ZNF34: variants seen among roughly 807,000 people sequenced by gnomAD.
ZNF34 encodes the protein zinc finger protein 34 (KOX 32).
In ZNF34, 8 loss-of-function variants were observed where a neutral mutation model predicts 14.4. The observed-to-expected ratio is 0.55, with a 90% CI of 0.33 to 1.00. ZNF34 has a LOEUF of 1.00. Among genes scored for constraint, ZNF34 ranks in the 50% least tolerant of loss-of-function variants. The pLI, the probability that ZNF34 is intolerant of heterozygous loss-of-function variation, is 0.03. For missense variants in ZNF34, 538 were observed against 674.2 expected, an observed-to-expected ratio of 0.80 and a Z score of 2.24; for synonymous variants, 235 against 247.9, an observed-to-expected ratio of 0.95 and a Z score of 0.49.
Position 144,772,333 on chromosome 8 carries a change from A to G in ZNF34, c.*933T>C, listed in dbSNP as rs1278697779. Among the ~76,000 whole-genome samples, 1 of 152,214 alleles carries G rather than the reference A, an allele frequency of 6.6e-6. No individual in the cohort carries two copies. Among genetic ancestry groups the G allele is most frequent in the East Asian group, 1.9e-4 (1 of 5,208 alleles). On this transcript the variant is annotated 3_prime_UTR_variant, in exon 6 of 6. Coordinates refer to ENST00000429371, the MANE Select transcript of ZNF34 (RefSeq NM_001286769.2). ...GAGAAGGGGGAAATGAAGAGTTATT[A>G]TTTAATAGGTACAGGGTTTCTGTTT...
At chr8:144,780,189 C>G (rs762876534) in intron 2 of ZNF34, 39 bp downstream of exon 2, 1 of 1,500,336 alleles carries the variant, frequency 6.7e-7, no homozygotes. Context: ...AAAGCAAAAC[C>G]CTGTCTCAAA....
At position 144,773,289 on chromosome 8, in the gene ZNF34, G is replaced by A; in HGVS notation, c.1597C>T (p.Leu533Phe). ...SNMCQHQRIH[L>F]REDFSM ...TGTTACATGGAGAAGTCCTCCCGGA[G>A]GTGAATCCGCTGATGCTGACACATG... Residue 533 changes from leucine (L) to phenylalanine (F), a missense_variant, in exon 6 of 6, where the codon CTC becomes TTC. This residue lies in a region of ZNF34 where 101 missense variants were observed against 123.1 expected (regional missense o/e 0.82). Coordinates refer to ENST00000429371, the MANE Select transcript of ZNF34 (RefSeq NM_001286769.2). This position sits in a 1 kb window ranked among gnomAD's most constrained non-coding sequence, Gnocchi z 5.4. 6.2e-7 allele frequency: 1 copy of A among 1,610,544 alleles called. No individual in the cohort carries two copies. The highest frequency in any genetic ancestry group is 8.5e-7 in the Non-Finnish European group (1 of 1,177,174).
Position 144,773,160 on chromosome 8 carries a change from C to G in ZNF34, c.*106G>C, listed in dbSNP as rs1461221674. ...TTGTTTAATGAGAAACGTCCTTTCACTCTGTGAAAACATCGTGTGGATAAT... is the reference window on the plus strand; with the variant it reads ...TTGTTTAATGAGAAACGTCCTTTCAGTCTGTGAAAACATCGTGTGGATAAT... On this transcript the variant is annotated 3_prime_UTR_variant, in exon 6 of 6. Transcript: ENST00000429371. The surrounding 1 kb of genome is among the most constrained non-coding windows in gnomAD (Gnocchi z 5.4). 1 of 1,237,248 alleles carries G rather than the reference C, an allele frequency of 8.1e-7. No homozygotes were observed. The highest frequency in any genetic ancestry group is 1.1e-6 in the Non-Finnish European group (1 of 922,006). The allele number at this position is 1,237,248 out of a possible 1,614,324, so 76.6% of individuals were successfully genotyped here. A position where few individuals can be genotyped will look rare whatever the true frequency, so the allele number is the denominator to read the frequency against.
At chr8:144,778,664 G>A (rs1015697261) in intron 2 of ZNF34, 139 bp from the exon 3 acceptor site, 12 of 534,712 alleles carry the variant, frequency 2.2e-5, no homozygotes, top group African/African-American at 1.6e-4. Context: ...ACTGCTAGCT[G>A]GCCTCCCGGA....
At position 144,773,568 on chromosome 8, in the gene ZNF34, G is replaced by A. The variant is rs1324494549; in HGVS notation, c.1318C>T (p.His440Tyr). 1 of 1,613,230 alleles carries A rather than the reference G, an allele frequency of 6.2e-7. No individual in the cohort carries two copies. Among genetic ancestry groups the A allele is most frequent in the African/African-American group, 1.3e-5 (1 of 74,688 alleles). ...TGGATTCTCTGGTGCTGGATGAGGTGTGTGCTTTGGCTGAAAACTTTGCCA... is the reference window on the plus strand; with the variant it reads ...TGGATTCTCTGGTGCTGGATGAGGTATGTGCTTTGGCTGAAAACTTTGCCA... ...DCGKVFSQSTHLIQHQRIHTG... is the reference protein window; with the variant it reads ...DCGKVFSQSTYLIQHQRIHTG... Residue 440 changes from histidine (H) to tyrosine (Y), a missense_variant, in exon 6 of 6, where the codon CAC (histidine) becomes TAC (tyrosine). Physicochemically the swap from His to Tyr is moderately conservative, Grantham distance 83. Coordinates refer to ENST00000429371, the MANE Select transcript of ZNF34 (RefSeq NM_001286769.2). The surrounding 1 kb of genome is among the most constrained non-coding windows in gnomAD (Gnocchi z 5.4).
At position 144,779,771 on chromosome 8, in the gene ZNF34, G is replaced by A. The variant is rs112906027; in HGVS notation, c.-55+457C>T. Among the ~76,000 whole-genome samples, 1,915 of 152,184 alleles carry A rather than the reference G, an allele frequency of 0.013. 29 individuals are homozygous for A. The highest frequency in any genetic ancestry group is 0.044 in the African/African-American group (1,811 of 41,508). ...CTCTACTGCCTGCTGCCCTCGGGCCGTCTATCCCCCTCCCTGCTCTGGCAT... is the reference window on the plus strand; with the variant it reads ...CTCTACTGCCTGCTGCCCTCGGGCCATCTATCCCCCTCCCTGCTCTGGCAT... On this transcript the variant is annotated intron_variant, in intron 2 of 5. Transcript: ENST00000429371. The surrounding 1 kb of genome is among the most constrained non-coding windows in gnomAD (Gnocchi z 4.1).
In ZNF34 at chr8:144,779,703, C is replaced by G. The variant is rs769180185; in HGVS notation, c.-55+525G>C. Among the ~76,000 whole-genome samples the G allele has an allele frequency of 1.1e-4, 16 of 152,074 alleles. No homozygotes were observed. Among genetic ancestry groups the G allele is most frequent in the Non-Finnish European group, 1.9e-4 (13 of 68,032 alleles). On this transcript the variant is annotated intron_variant, in intron 2 of 5. Transcript: ENST00000429371. The surrounding 1 kb of genome is among the most constrained non-coding windows in gnomAD (Gnocchi z 4.1). Reference sequence around the variant, plus strand: ...CCTCTTGCCTCGGCCTCCCAAAGTGCTGGGATTAAAGGAGTGCACCAAAGT... The same window carrying G: ...CCTCTTGCCTCGGCCTCCCAAAGTGGTGGGATTAAAGGAGTGCACCAAAGT...
rs1372477343 is a variant in ZNF34 at position 144,777,860 on chromosome 8, G to T, written c.160+178C>A. On this transcript the variant is annotated intron_variant, in intron 4 of 5. Coordinates refer to ENST00000429371, the MANE Select transcript of ZNF34 (RefSeq NM_001286769.2). The surrounding 1 kb of genome is among the most constrained non-coding windows in gnomAD (Gnocchi z 4.8). ...GGACCTGGGGCGAGAGGGAAGGGAA[G>T]GGCTGACTCAGGAAGGTCCCAGCAC... 6.6e-6 allele frequency among the ~76,000 whole-genome samples: 1 copy of T among 152,128 alleles called. No homozygotes were observed. Among genetic ancestry groups the T allele is most frequent in the Non-Finnish European group, 1.5e-5 (1 of 67,992 alleles).
Position 144,777,406 on chromosome 8 carries a change from C to T in ZNF34, c.280+52G>A, listed in dbSNP as rs772728786. 4.8e-5 allele frequency: 74 copies of T among 1,542,482 alleles called. No homozygotes were observed. The highest frequency in any genetic ancestry group is 6.1e-5 in the Non-Finnish European group (70 of 1,141,712). On this transcript the variant is annotated intron_variant, in intron 5 of 5. Transcript: ENST00000429371. This position sits in a 1 kb window ranked among gnomAD's most constrained non-coding sequence, Gnocchi z 4.8. The stretch of plus-strand genomic sequence containing the variant: ...TTCATTAATCAGACACCCTGGACCC[C>T]AATAAAGGCTCGTTCGGTGACTTGA...
chr8:144,784,134 T>C (rs1826076476), intron 1 of ZNF34, among the ~76,000 whole-genome samples: 1 of 146,826 alleles, frequency 6.8e-6, no homozygotes, highest in African/African-American at 2.6e-5. Flanking sequence ...CACTCCATCG[T>C]GGGTGACAGA....
chr8:144,778,144 G>A lies in ZNF34; in HGVS notation c.54C>T (p.Asp18=), dbSNP rs371444149. The A allele has an allele frequency of 1.1e-5, 18 of 1,613,364 alleles. No individual in the cohort carries two copies. The highest frequency in any genetic ancestry group is 2.2e-5 in the South Asian group (2 of 91,030). Reference sequence around the variant, plus strand: ...CCTCCCGGGAGAGGTACACAGCCACGTCCTCGAAGGTCACCTCGGCCTGGA... The same window carrying A: ...CCTCCCGGGAGAGGTACACAGCCACATCCTCGAAGGTCACCTCGGCCTGGA... ...APPQAEVTFE[D]VAVYLSREEW... is the part of the protein sequence containing the mutation. Residue 18 remains aspartate (D), a synonymous_variant, in exon 4 of 6, where the codon GAC becomes GAT. Coordinates refer to ENST00000429371, the MANE Select transcript of ZNF34 (RefSeq NM_001286769.2).
intron 1 of ZNF34, among the ~76,000 whole-genome samples, chr8:144,780,743 C>T (rs985750032): frequency 1.3e-5 from 2 of 151,764 alleles, no homozygotes; most frequent in Admixed American, 6.6e-5. Context: ...GAGCCGAGAT[C>T]GCGCCATCGC....
At position 144,778,535 on chromosome 8, in the gene ZNF34, G is replaced by T; in HGVS notation, c.-54-10C>A. The T allele has an allele frequency of 6.4e-7, 1 of 1,554,790 alleles. No homozygotes were observed. Among genetic ancestry groups the T allele is most frequent in the South Asian group, 1.2e-5 (1 of 82,824 alleles). On this transcript the variant is annotated splice_polypyrimidine_tract_variant and intron_variant, in intron 2 of 5. Transcript: ENST00000429371. ...GCTGGTCACTGAGGAGCTGAGGGAA[G>T]AGAACGCAACAAGTGGAGGCCCAGT...
rs1228538591 is a variant in ZNF34, at chr8:144,779,718, T to C, written c.-55+510A>G. 6.6e-6 allele frequency among the ~76,000 whole-genome samples: 1 copy of C among 151,944 alleles called. No individual in the cohort carries two copies. Among genetic ancestry groups the C allele is most frequent in the Non-Finnish European group, 1.5e-5 (1 of 68,008 alleles). ...TCCCAAAGTGCTGGGATTAAAGGAG[T>C]GCACCAAAGTGCCCAGCCTCCAGTC... On this transcript the variant is annotated intron_variant, in intron 2 of 5. Transcript: ENST00000429371. This position sits in a 1 kb window ranked among gnomAD's most constrained non-coding sequence, Gnocchi z 4.1.
At chr8:144,786,803 T>C (rs903619676) in intron 1 of ZNF34, among the ~76,000 whole-genome samples, 1 of 151,786 alleles carries the variant, frequency 6.6e-6, no homozygotes, top group African/African-American at 2.4e-5. Flanking sequence ...GGAGGAGCAC[T>C]GGCGGAGCGC....
intron 1 of ZNF34, among the ~76,000 whole-genome samples, chr8:144,781,331 C>T (rs926828101): frequency 2.7e-5 from 4 of 149,776 alleles, no homozygotes; most frequent in South Asian, 2.1e-4. Context: ...TACAGTGGCG[C>T]GATCTTGGCT....
rs372706528 is a variant in ZNF34 at position 144,774,062 on chromosome 8, T to C, written c.824A>G (p.Asn275Ser). The change falls in exon 6 of 6, where the codon AAT (asparagine) becomes AGT (serine). Residue 275 changes from asparagine to serine, a missense_variant. By Grantham distance (46) the Asn-to-Ser change is conservative (BLOSUM62 1). Coordinates refer to ENST00000429371, the MANE Select transcript of ZNF34 (RefSeq NM_001286769.2). ...KAFSQSCEFI[N>S]HRRMHSGEIP... is the part of the protein sequence containing the mutation. ...CTCTCCTGAGTGCATCCTTCGGTGA[T>C]TGATGAACTCGCAGCTCTGGCTGAA... 53 of 1,614,092 alleles carry C rather than the reference T, an allele frequency of 3.3e-5. No homozygotes were observed. The highest frequency in any genetic ancestry group is 5.0e-5 in the Admixed American group (3 of 60,008).
At chr8:144,784,115 A>G (rs948785646) in intron 1 of ZNF34, among the ~76,000 whole-genome samples, 4 of 151,002 alleles carry the variant, frequency 2.6e-5, no homozygotes, top group African/African-American at 4.9e-5. Flanking sequence ...AGCCGAGATC[A>G]CACCACTGCA....
chr8:144,775,799 C>A (rs746890705), intron 5 of ZNF34, among the ~76,000 whole-genome samples: 1 of 152,102 alleles, frequency 6.6e-6, no homozygotes, highest in Non-Finnish European at 1.5e-5. Flanking sequence ...AGGGTTTGTC[C>A]TATTTCTATA....
Sources: allele counts gnomAD v4.1 joint callset (sites outside exome capture counted in the v4.1 genomes callset), GRCh38; gene constraint gnomAD v4.1.1; regional missense constraint gnomAD v4.1.1; non-coding constraint Gnocchi (gnomAD v3.1); transcripts MANE v1.5; gene names NCBI Gene and HGNC (gene_info 2026-07-23, HGNC 2026-07-21).